Variants in TENM2 observed in about 807,000 individuals in gnomAD.
The protein encoded by TENM2 is teneurin-2.
In TENM2, 52 loss-of-function variants were observed where a neutral mutation model predicts 245.2. The ratio of observed to expected loss-of-function variants is 0.21; its 90% CI spans 0.17 to 0.27. The LOEUF (loss-of-function observed/expected upper bound fraction) is 0.27, where lower values mean the gene tolerates loss of function less well. Ranked by LOEUF, TENM2 falls within the 10% of genes least tolerant of loss-of-function variation. The pLI, the probability that TENM2 is intolerant of heterozygous loss-of-function variation, is 1.00. For missense variants in TENM2, 3,046 were observed against 3,666.8 expected (o/e 0.83, Z 4.37); for synonymous variants, 1,363 against 1,438.9 (o/e 0.95, Z 1.19).
chr5:167,976,233 C>T (rs1347461760), intron 4 of TENM2, among the ~76,000 whole-genome samples: 1 of 151,962 alleles, frequency 6.6e-6, no homozygotes, highest in African/African-American at 2.4e-5. Flanking sequence ...GTTGTTTTTT[C>T]ACTTCTTTCT....
At chr5:167,334,557 G>A (rs1757646020) in intron 1 of TENM2, among the ~76,000 whole-genome samples, 1 of 152,130 alleles carries the variant, frequency 6.6e-6, no homozygotes, top group Admixed American at 6.5e-5. Flanking sequence ...TCATTCAATA[G>A]TGCATTTTCT....
At chr5:168,126,483 C>A (rs1471375442) in intron 11 of TENM2, among the ~76,000 whole-genome samples, 1 of 152,150 alleles carries the variant, frequency 6.6e-6, no homozygotes, top group Non-Finnish European at 1.5e-5. Context: ...TTCACTTGGT[C>A]CAACGAGGGC....
At chr5:167,416,325 T>C (rs1763165364) in intron 2 of TENM2, among the ~76,000 whole-genome samples, 1 of 152,200 alleles carries the variant, frequency 6.6e-6, no homozygotes, top group Non-Finnish European at 1.5e-5. Context: ...TGCAATCTGG[T>C]ATCACAATTT....
chr5:168,174,116 T>C (rs1297040609), intron 13 of TENM2, among the ~76,000 whole-genome samples: 1 of 152,156 alleles, frequency 6.6e-6, no homozygotes, highest in African/African-American at 2.4e-5. Context: ...GTCTTCAAAA[T>C]TGCAACCATG....
intron 2 of TENM2, among the ~76,000 whole-genome samples, chr5:167,569,078 CTTTTTTTTTTTTTTTT>C (rs34311803): frequency 1.2e-4 from 6 of 48,966 alleles, no homozygotes; most frequent in African/African-American, 2.8e-4. Flanking sequence ...CTTCCTACAG[CTTTTTTTTTTTTTTTT>C]TTTTTTTTTT....
rs914446190 is a variant in TENM2 at position 167,460,356 on chromosome 5, A to G, written c.502+84883A>G. 2.6e-5 allele frequency among the ~76,000 whole-genome samples: 4 copies of G among 152,214 alleles called. No homozygotes were observed. In the South Asian group the frequency reaches 6.2e-4, roughly 24 times the overall value. On this transcript the variant is annotated intron_variant, in intron 2 of 28. Coordinates refer to ENST00000518659, the Ensembl canonical transcript of TENM2. ...ATTTTCATACCCCACATAGAATTCC[A>G]ATATAAGCCATCTCCCACTATTTTT...
intron 3 of TENM2, among the ~76,000 whole-genome samples, chr5:167,931,255 A>C (rs1234264453): frequency 6.6e-6 from 1 of 152,188 alleles, no homozygotes; most frequent in East Asian, 1.9e-4. Flanking sequence ...AAACAGATAT[A>C]TACAGTATCA....
chr5:167,604,558 T>C (rs538426074), intron 2 of TENM2, among the ~76,000 whole-genome samples: 2 of 152,308 alleles, frequency 1.3e-5, no homozygotes, highest in South Asian at 4.1e-4. Context: ...AATAATTTCT[T>C]ATGTTGGATT....
intron 2 of TENM2, among the ~76,000 whole-genome samples, chr5:167,439,662 A>G (rs1272591277): frequency 6.6e-6 from 1 of 152,210 alleles, no homozygotes; most frequent in African/African-American, 2.4e-5. Flanking sequence ...AATGCACATA[A>G]TAATACACTT....
At chr5:167,031,395 C>T in the TENM2 span, among the ~76,000 whole-genome samples, 4 of 152,186 alleles carry the variant, frequency 2.6e-5, no homozygotes, top group Admixed American at 2.0e-4. Flanking sequence ...TCCCACATAA[C>T]ACCACTTAAG....
the TENM2 span, among the ~76,000 whole-genome samples, chr5:167,217,141 C>T: frequency 6.6e-5 from 10 of 152,176 alleles, no homozygotes; most frequent in Middle Eastern, 6.8e-3. Context: ...AAGTCTTTGT[C>T]ATGGTTTCTT....
At chr5:167,351,200 T>C (rs895058887) in intron 1 of TENM2, among the ~76,000 whole-genome samples, 5 of 150,662 alleles carry the variant, frequency 3.3e-5, no homozygotes, top group African/African-American at 1.2e-4. Flanking sequence ...TGGATATATA[T>C]ATATGGGATA....
intron 2 of TENM2, among the ~76,000 whole-genome samples, chr5:167,676,063 C>T (rs904188782): frequency 6.6e-6 from 1 of 152,064 alleles, no homozygotes. Context: ...GCCATATTAT[C>T]TAAGCCCTGG....
intron 23 of TENM2, among the ~76,000 whole-genome samples, chr5:168,224,691 A>G (rs1763998882): frequency 6.6e-6 from 1 of 152,112 alleles, no homozygotes; most frequent in African/African-American, 2.4e-5. Flanking sequence ...AGACCCTGCC[A>G]GCTTTTTCCC....
intron 2 of TENM2, among the ~76,000 whole-genome samples, chr5:167,820,337 G>A (rs1767415508): frequency 6.6e-6 from 1 of 152,212 alleles, no homozygotes; most frequent in Non-Finnish European, 1.5e-5. Flanking sequence ...GCCTAGAGCT[G>A]ACATAAATAA....
At chr5:167,683,034 A>G (rs1582741304) in intron 2 of TENM2, among the ~76,000 whole-genome samples, 1 of 152,174 alleles carries the variant, frequency 6.6e-6, no homozygotes, top group East Asian at 1.9e-4. Context: ...AAAAATATAT[A>G]TCTCAAGACA....
the TENM2 span, among the ~76,000 whole-genome samples, chr5:167,250,043 C>G: frequency 2.0e-4 from 31 of 152,140 alleles, no homozygotes; most frequent in Non-Finnish European, 2.9e-5. Flanking sequence ...AGTGTACAGA[C>G]CTTGGCTGTG....
At chr5:168,078,758 C>A (rs1791706204) in intron 7 of TENM2, among the ~76,000 whole-genome samples, 1 of 152,134 alleles carries the variant, frequency 6.6e-6, no homozygotes, top group Non-Finnish European at 1.5e-5. Context: ...GGTATTATTT[C>A]TGAGGGCTCT....
intron 12 of TENM2, among the ~76,000 whole-genome samples, chr5:168,161,202 A>G (rs1426722941): frequency 1.3e-5 from 2 of 152,206 alleles, no homozygotes; most frequent in Non-Finnish European, 2.9e-5. Context: ...GTTTCAAATC[A>G]ATTACCTCCA....
Sources: gnomAD v4.1 joint callset for allele counts (sites outside exome capture counted in the v4.1 genomes callset) on GRCh38, gnomAD v4.1.1 for gene constraint, MANE v1.5 for transcripts, NCBI Gene and HGNC (gene_info 2026-07-23, HGNC 2026-07-21) for gene names.